NRXN3: variants seen among roughly 807,000 people sequenced by gnomAD.
The protein encoded by NRXN3 is neurexin 3, also known as neurexin III.
NRXN3 carries 32 observed loss-of-function variants against 137.6 expected under a neutral mutation model. The ratio of observed to expected loss-of-function variants is 0.23; its 90% CI spans 0.18 to 0.31. NRXN3 has a LOEUF of 0.31. NRXN3 is among the 10% of genes least tolerant of loss of function. NRXN3 has a pLI of 1.00. For missense variants in NRXN3, 1,574 were observed against 2,062.5 expected (o/e 0.76, Z 4.59); for synonymous variants, 798 against 784.5 (o/e 1.02, Z -0.29).
chr14:79,134,503 C>G (rs995681019), intron 15 of NRXN3, among the ~76,000 whole-genome samples: 1 of 152,196 alleles, frequency 6.6e-6, no homozygotes, highest in African/African-American at 2.4e-5. Context: ...CGAGGACTTT[C>G]ACTGGCACTC....
At chr14:78,790,683 G>A (rs1185884099) in intron 8 of NRXN3, among the ~76,000 whole-genome samples, 1 of 152,168 alleles carries the variant, frequency 6.6e-6, no homozygotes. Flanking sequence ...GAGCAGGAGA[G>A]TGTCTTGAAG....
intron 4 of NRXN3, among the ~76,000 whole-genome samples, chr14:78,448,887 T>C (rs897026994): frequency 1.3e-5 from 2 of 152,104 alleles, no homozygotes. Flanking sequence ...GGCTTCCACA[T>C]TTGGGAAGGT....
At chr14:79,034,272 C>G (rs12882464) in intron 15 of NRXN3, among the ~76,000 whole-genome samples, 93,079 of 151,554 alleles carry the variant, frequency 0.61, 28,981 homozygotes, top group East Asian at 0.78. Flanking sequence ...TAATAGTTCT[C>G]TGTTTACAAG....
At chr14:78,488,342 C>G (rs188046235) in intron 4 of NRXN3, among the ~76,000 whole-genome samples, 1 of 152,112 alleles carries the variant, frequency 6.6e-6, no homozygotes, top group Admixed American at 6.5e-5. Context: ...ACTCATAACA[C>G]AAGATGAGGA....
At chr14:78,289,521 A>G (rs773058014) in intron 3 of NRXN3, among the ~76,000 whole-genome samples, 3 of 151,764 alleles carry the variant, frequency 2.0e-5, no homozygotes, top group African/African-American at 4.8e-5. Context: ...ACTCTTTTTT[A>G]TGGCATTTCT....
At chr14:79,527,955 G>A (rs1435185114) in intron 16 of NRXN3, among the ~76,000 whole-genome samples, 1 of 151,842 alleles carries the variant, frequency 6.6e-6, no homozygotes, top group Non-Finnish European at 1.5e-5. Flanking sequence ...CCTATCATTG[G>A]CAGCAACCCA....
In NRXN3 at chr14:78,487,788, T is replaced by G. The variant is rs145778563; in HGVS notation, c.758-157332T>G. 0.012 allele frequency among the ~76,000 whole-genome samples: 1,659 copies of G among 133,280 alleles called. 135 individuals carry two copies. In the East Asian group the frequency reaches 0.28, roughly 23 times the overall value. 87.4% of individuals were successfully genotyped at this position (133,280 alleles called of 152,430 possible). On this transcript the variant is annotated intron_variant, in intron 4 of 20. Coordinates refer to ENST00000335750, the MANE Select transcript of NRXN3 (RefSeq NM_001330195.2). The stretch of plus-strand genomic sequence containing the variant: ...ATAAATAAATAAATAAATAAATAAA[T>G]AAAGATAGATTTGTCCTGAAACTTA...
chr14:79,438,816 A>G (rs914107180), intron 15 of NRXN3, among the ~76,000 whole-genome samples: 2 of 152,248 alleles, frequency 1.3e-5, no homozygotes, highest in African/African-American at 2.4e-5. Context: ...ATCAAAATGT[A>G]TAAGATAATA....
At chr14:78,315,367 C>A (rs1359440430) in intron 4 of NRXN3, among the ~76,000 whole-genome samples, 1 of 152,224 alleles carries the variant, frequency 6.6e-6, no homozygotes, top group South Asian at 2.1e-4. Context: ...GTGAGAATCA[C>A]CCAGGGAACT....
intron 4 of NRXN3, among the ~76,000 whole-genome samples, chr14:78,631,726 G>A (rs118025424): frequency 0.013 from 1,963 of 152,220 alleles, 25 homozygotes; most frequent in Non-Finnish European, 0.016. Flanking sequence ...TAGCCCTCTG[G>A]TGTCATAGCT....
At chr14:79,185,917 C>T (rs1054277971) in intron 15 of NRXN3, among the ~76,000 whole-genome samples, 8 of 152,064 alleles carry the variant, frequency 5.3e-5, no homozygotes, top group African/African-American at 1.9e-4. Flanking sequence ...TAATTTCTGG[C>T]ACTTCTCTAG....
At chr14:79,287,261 T>A (rs2082422996) in intron 15 of NRXN3, among the ~76,000 whole-genome samples, 1 of 152,168 alleles carries the variant, frequency 6.6e-6, no homozygotes, top group South Asian at 2.1e-4. Flanking sequence ...AAAAGTCAGC[T>A]TGTGATTTTT....
chr14:78,530,010 TTTAA>T (rs1172697952), intron 4 of NRXN3, among the ~76,000 whole-genome samples: 5 of 152,234 alleles, frequency 3.3e-5, no homozygotes, highest in African/African-American at 7.2e-5. Context: ...TACAGTGCAA[TTTAA>T]TTAATTCCAA....
intron 15 of NRXN3, among the ~76,000 whole-genome samples, chr14:78,992,824 AG>A (rs2099521645): frequency 6.6e-6 from 1 of 152,204 alleles, no homozygotes; most frequent in South Asian, 2.1e-4. Flanking sequence ...GCCCTGGAGA[AG>A]CACATATAGG....
chr14:79,111,816 A>G (rs1483882304), intron 15 of NRXN3, among the ~76,000 whole-genome samples: 1 of 151,818 alleles, frequency 6.6e-6, no homozygotes, highest in East Asian at 1.9e-4. Context: ...TTGTGAGACT[A>G]AAAAAAATTG....
At chr14:79,779,696 G>A (rs2099108025) in intron 19 of NRXN3, among the ~76,000 whole-genome samples, 1 of 152,116 alleles carries the variant, frequency 6.6e-6, no homozygotes, top group Admixed American at 6.5e-5. Context: ...CTGACCACAA[G>A]TTTTCAAGGA....
At chr14:79,192,707 G>A (rs1205969130) in intron 15 of NRXN3, among the ~76,000 whole-genome samples, 2 of 150,662 alleles carry the variant, frequency 1.3e-5, no homozygotes, top group East Asian at 2.0e-4. Flanking sequence ...TCACTGGGAC[G>A]AATAAGGTTG....
intron 8 of NRXN3, among the ~76,000 whole-genome samples, chr14:78,762,155 A>G (rs1050872105): frequency 2.6e-5 from 4 of 152,158 alleles, no homozygotes; most frequent in Non-Finnish European, 5.9e-5. Context: ...TTTGTCTCCT[A>G]CAAATGTGTC....
chr14:79,403,245 G>C (rs926883726), intron 15 of NRXN3, among the ~76,000 whole-genome samples: 3 of 152,136 alleles, frequency 2.0e-5, no homozygotes, highest in Non-Finnish European at 4.4e-5. Context: ...AAAGATGTGT[G>C]AACGGACATA....
Sources: gnomAD v4.1 joint callset for allele counts (sites outside exome capture counted in the v4.1 genomes callset) on GRCh38, gnomAD v4.1.1 for gene constraint, MANE v1.5 for transcripts, NCBI Gene and HGNC (gene_info 2026-07-23, HGNC 2026-07-21) for gene names.